KCNIP4: variants seen among roughly 807,000 people sequenced by gnomAD.
KCNIP4 encodes the protein Kv channel-interacting protein 4.
Under a neutral mutation model 34.0 loss-of-function variants are expected in KCNIP4, and 12 were observed. That is an observed-to-expected ratio of 0.35 (90% CI 0.23 to 0.57). The LOEUF (loss-of-function observed/expected upper bound fraction) is 0.57, where lower values mean the gene tolerates loss of function less well. Ranked by LOEUF, KCNIP4 falls within the 20% of genes least tolerant of loss-of-function variation. The pLI is 0.83. For synonymous variants in KCNIP4, 124 were observed against 102.2 expected, an observed-to-expected ratio of 1.21 and a Z score of -1.29; for missense variants, 238 against 311.7, an observed-to-expected ratio of 0.76 and a Z score of 1.78.
intron 1 of KCNIP4, among the ~76,000 whole-genome samples, chr4:21,412,151 C>T (rs1296560832): frequency 6.6e-6 from 1 of 152,192 alleles, no homozygotes; most frequent in Non-Finnish European, 1.5e-5. Flanking sequence ...ATTGGAAACA[C>T]TCAAGCCTCT....
At chr4:20,996,424 A>C (rs917070792) in intron 1 of KCNIP4, among the ~76,000 whole-genome samples, 3 of 152,104 alleles carry the variant, frequency 2.0e-5, no homozygotes, top group Non-Finnish European at 4.4e-5. Flanking sequence ...GACCAATGTA[A>C]TCCTGTCCCA....
At chr4:21,115,398 T>C (rs912167215) in intron 1 of KCNIP4, among the ~76,000 whole-genome samples, 1 of 152,178 alleles carries the variant, frequency 6.6e-6, no homozygotes, top group African/African-American at 2.4e-5. Context: ...ATGAAACTCA[T>C]AGAGAGCTCT....
chr4:21,717,191 C>A (rs1202986710), intron 1 of KCNIP4, among the ~76,000 whole-genome samples: 1 of 152,074 alleles, frequency 6.6e-6, no homozygotes, highest in African/African-American at 2.4e-5. Context: ...TACTAAATAT[C>A]AGAAGTATTC....
At chr4:20,890,355 G>T (rs1473814720) in intron 1 of KCNIP4, among the ~76,000 whole-genome samples, 2 of 152,118 alleles carry the variant, frequency 1.3e-5, no homozygotes, top group African/African-American at 2.4e-5. Flanking sequence ...GTAAGAAATA[G>T]GACGGGGAAA....
At chr4:20,952,643 C>A (rs1577424187) in intron 1 of KCNIP4, among the ~76,000 whole-genome samples, 1 of 152,222 alleles carries the variant, frequency 6.6e-6, no homozygotes, top group Non-Finnish European at 1.5e-5. Flanking sequence ...TGACTTTATA[C>A]CACTTTTGAA....
intron 1 of KCNIP4, among the ~76,000 whole-genome samples, chr4:21,403,570 A>G (rs559337236): frequency 6.6e-6 from 1 of 152,282 alleles, no homozygotes; most frequent in East Asian, 1.9e-4. Flanking sequence ...TTTCCACATG[A>G]TCCACTCTGC....
intron 1 of KCNIP4, among the ~76,000 whole-genome samples, chr4:21,863,227 CCATATAT>C (rs1725197614): frequency 1.3e-5 from 2 of 150,762 alleles, no homozygotes; most frequent in African/African-American, 4.9e-5. Context: ...AGTGTGTTAT[CCATATAT>C]ATGGCTAATA....
chr4:21,434,331 G>A (rs1013930444), intron 1 of KCNIP4, among the ~76,000 whole-genome samples: 3 of 152,180 alleles, frequency 2.0e-5, no homozygotes, highest in South Asian at 2.1e-4. Context: ...GGCATAAAGA[G>A]GGTTGGATAA....
chr4:21,107,892 A>T (rs1443635681), intron 1 of KCNIP4, among the ~76,000 whole-genome samples: 1 of 151,252 alleles, frequency 6.6e-6, no homozygotes, highest in Non-Finnish European at 1.5e-5. Context: ...ATTCTGGGTT[A>T]AAAATTCTCT....
At chr4:21,208,313 C>G (rs1019064368) in intron 1 of KCNIP4, among the ~76,000 whole-genome samples, 9 of 152,178 alleles carry the variant, frequency 5.9e-5, no homozygotes, top group African/African-American at 2.2e-4. Flanking sequence ...TCTCATGATT[C>G]ACCAGCCATA....
At chr4:21,723,519 A>G (rs999189102) in intron 1 of KCNIP4, among the ~76,000 whole-genome samples, 1 of 152,112 alleles carries the variant, frequency 6.6e-6, no homozygotes. Flanking sequence ...TATTGAGTTC[A>G]GTATGGCTAG....
At chr4:21,009,953 C>T (rs1183987224) in intron 1 of KCNIP4, among the ~76,000 whole-genome samples, 1 of 152,204 alleles carries the variant, frequency 6.6e-6, no homozygotes, top group Non-Finnish European at 1.5e-5. Flanking sequence ...GTGGCTTAAA[C>T]AACAGGTATT....
intron 1 of KCNIP4, among the ~76,000 whole-genome samples, chr4:20,995,395 C>T (rs1046796440): frequency 1.3e-5 from 2 of 152,108 alleles, no homozygotes; most frequent in Non-Finnish European, 2.9e-5. Flanking sequence ...AAAGCAAACA[C>T]TCTGTTTCTA....
chr4:21,934,988 A>G (rs1395793475), intron 1 of KCNIP4, among the ~76,000 whole-genome samples: 1 of 152,010 alleles, frequency 6.6e-6, no homozygotes, highest in African/African-American at 2.4e-5. Flanking sequence ...CACACACACA[A>G]TTTCTTTCTT....
At chr4:20,976,659 TG>T (rs1735518570) in intron 1 of KCNIP4, among the ~76,000 whole-genome samples, 1 of 152,162 alleles carries the variant, frequency 6.6e-6, no homozygotes, top group African/African-American at 2.4e-5. Flanking sequence ...AAAGCACCTG[TG>T]GGCCCCTGGA....
At chr4:21,910,343 A>C (rs1259325705) in intron 1 of KCNIP4, among the ~76,000 whole-genome samples, 4 of 152,130 alleles carry the variant, frequency 2.6e-5, no homozygotes, top group African/African-American at 9.7e-5. Flanking sequence ...AAAACACACA[A>C]GCAAAACATA....
intron 1 of KCNIP4, among the ~76,000 whole-genome samples, chr4:21,780,317 C>T (rs1191074460): frequency 2.0e-5 from 3 of 152,084 alleles, no homozygotes; most frequent in Non-Finnish European, 4.4e-5. Context: ...CCCCATGCCA[C>T]CTGGAAGTGG....
At chr4:21,473,160 A>G (rs1004654924) in intron 1 of KCNIP4, among the ~76,000 whole-genome samples, 1 of 152,212 alleles carries the variant, frequency 6.6e-6, no homozygotes, top group Non-Finnish European at 1.5e-5. Flanking sequence ...CAAAGCCACA[A>G]TTACCCTACA....
At chr4:20,740,980 A>G (rs1750936156) in intron 5 of KCNIP4, among the ~76,000 whole-genome samples, 1 of 152,244 alleles carries the variant, frequency 6.6e-6, no homozygotes, top group Non-Finnish European at 1.5e-5. Context: ...AAAGAAGGCT[A>G]TTACATAATG....
Sources: allele counts gnomAD v4.1 joint callset (sites outside exome capture counted in the v4.1 genomes callset), GRCh38; gene constraint gnomAD v4.1.1; transcripts MANE v1.5; gene names NCBI Gene and HGNC (gene_info 2026-07-23, HGNC 2026-07-21).